Variants in B4GALT4 observed in about 807,000 individuals in gnomAD.
B4GALT4 encodes N-acetyllactosamine synthase.
In B4GALT4, 27 loss-of-function variants were observed where a neutral mutation model predicts 37.3. The observed-to-expected ratio is 0.72, with a 90% confidence interval of 0.53 to 1.00. B4GALT4 has a LOEUF of 1.00. B4GALT4 is among the 50% of genes least tolerant of loss of function. The pLI is 0.00. For missense variants in B4GALT4, 372 were observed against 413.1 expected (o/e 0.90, Z 0.86); for synonymous variants, 148 against 154.1 (o/e 0.96, Z 0.29).
At chr3:119,221,749 A>G (rs1325519906) in intron 5 of B4GALT4, among the ~76,000 whole-genome samples, 3 of 152,246 alleles carry the variant, frequency 2.0e-5, no homozygotes, top group Non-Finnish European at 2.9e-5. Flanking sequence ...TTCAATTTCT[A>G]AAAGAGGGCC....
At chr3:119,235,431 C>A (rs1353339222) in intron 2 of B4GALT4, among the ~76,000 whole-genome samples, 1 of 152,166 alleles carries the variant, frequency 6.6e-6, no homozygotes, top group Non-Finnish European at 1.5e-5. Flanking sequence ...CATCTCTGAA[C>A]CTATCAGGTA....
intron 3 of B4GALT4, among the ~76,000 whole-genome samples, chr3:119,227,906 C>T (rs2107512814): frequency 6.6e-6 from 1 of 152,284 alleles, no homozygotes; most frequent in South Asian, 2.1e-4. Context: ...AGACCAGGCT[C>T]ACGTGTCTAA....
intron 4 of B4GALT4, among the ~76,000 whole-genome samples, chr3:119,225,359 A>C (rs1211285875): frequency 2.0e-5 from 3 of 152,170 alleles, no homozygotes; most frequent in African/African-American, 7.2e-5. Context: ...TTTCCTGATA[A>C]GAATAACACG....
intron 7 of B4GALT4, 54 bp downstream of exon 7, chr3:119,216,186 T>C: frequency 2.2e-6 from 3 of 1,386,778 alleles, no homozygotes; most frequent in Non-Finnish European, 3.0e-6. Flanking sequence ...ATAGTCCTTA[T>C]TGACAGAACA....
At chr3:119,219,613 GT>G (rs930903788) in intron 5 of B4GALT4, among the ~76,000 whole-genome samples, 6 of 152,214 alleles carry the variant, frequency 3.9e-5, no homozygotes, top group African/African-American at 1.2e-4. Context: ...CAACAATCTA[GT>G]TGGTGAGAAG....
chr3:119,216,450 A>C, intron 6 of B4GALT4, 106 bp from the exon 7 acceptor site: 1 of 479,604 alleles, frequency 2.1e-6, no homozygotes. Flanking sequence ...GCACATACAC[A>C]CACACACACA....
intron 4 of B4GALT4, 105 bp downstream of exon 4, chr3:119,226,704 A>G (rs568841170): frequency 7.3e-5 from 67 of 924,094 alleles, no homozygotes; most frequent in Middle Eastern, 6.8e-4. Flanking sequence ...GTTTTTGATG[A>G]TAGTCTGATG....
At chr3:119,218,286 C>T (rs1214844111) in intron 6 of B4GALT4, among the ~76,000 whole-genome samples, 3 of 152,128 alleles carry the variant, frequency 2.0e-5, no homozygotes, top group African/African-American at 7.2e-5. Context: ...GAACTGTGTC[C>T]CCAAGGGGTC....
chr3:119,223,494 GA>G (rs1271997020), intron 5 of B4GALT4, among the ~76,000 whole-genome samples: 1 of 152,218 alleles, frequency 6.6e-6, no homozygotes, highest in African/African-American at 2.4e-5. Flanking sequence ...GGGTGGAGGG[GA>G]TGGGGAATGA....
In B4GALT4 at chr3:119,217,204, T is replaced by C. The variant is rs184848621; in HGVS notation, c.798-860A>G. Among the ~76,000 whole-genome samples, 54 of 152,330 alleles carry C rather than the reference T, an allele frequency of 3.5e-4. 1 individual carries two copies. The highest frequency in any genetic ancestry group is 3.5e-3 in the Admixed American group (54 of 15,304). ...TGTGATCAGGGCAAAATTCTACTAATCACCCCAGTGAAGTACATTTAGGGA... is the reference window on the plus strand; with the variant it reads ...TGTGATCAGGGCAAAATTCTACTAACCACCCCAGTGAAGTACATTTAGGGA... On this transcript the variant is annotated intron_variant, in intron 6 of 7. Coordinates refer to ENST00000393765, the MANE Select transcript of B4GALT4 (RefSeq NM_003778.4).
chr3:119,237,304 G>A (rs2079013431), intron 1 of B4GALT4, among the ~76,000 whole-genome samples: 1 of 152,162 alleles, frequency 6.6e-6, no homozygotes, highest in Admixed American at 6.5e-5. Flanking sequence ...CTGAGATCAT[G>A]GGTATAACAG....
At position 119,212,490 on chromosome 3, in the gene B4GALT4, G is replaced by A; in HGVS notation, c.*59C>T. 6 of 1,521,968 alleles carry A rather than the reference G, an allele frequency of 3.9e-6. No homozygotes were observed. Among genetic ancestry groups the A allele is most frequent in the Non-Finnish European group, 4.4e-6 (5 of 1,132,856 alleles). The allele number at this position is 1,521,968 out of a possible 1,614,324, so 94.3% of individuals were successfully genotyped here. ...TGTGTGCTACTATTTGAAGTCTCTA[G>A]GCCAAAATTATTGCAAACAAAGAAT... On this transcript the variant is annotated 3_prime_UTR_variant, in exon 8 of 8. Transcript: ENST00000393765.
intron 2 of B4GALT4, among the ~76,000 whole-genome samples, chr3:119,236,461 T>C (rs2078989027): frequency 6.6e-6 from 1 of 152,218 alleles, no homozygotes; most frequent in Non-Finnish European, 1.5e-5. Context: ...ACAACTTTTC[T>C]GTAAGTCTAA....
At position 119,230,100 on chromosome 3, in the gene B4GALT4, G is replaced by GTT. The variant is rs1161184807; in HGVS notation, c.-3_-2dup. The GTT allele has an allele frequency of 1.2e-6, 2 of 1,613,960 alleles. No homozygotes were observed. The highest frequency in any genetic ancestry group is 2.7e-5 in the African/African-American group (2 of 75,028). On this transcript the variant is annotated 5_prime_UTR_variant, in exon 3 of 8. Transcript: ENST00000393765. ...GGTGGAAAGTCAGGTTGAAGCCCAT[G>GTT]TTTTTTATTACGTGAATAATATCTA...
chr3:119,224,290 T>C, intron 4 of B4GALT4, 45 bp from the exon 5 acceptor site: 13 of 1,465,066 alleles, frequency 8.9e-6, no homozygotes, highest in Non-Finnish European at 1.1e-5. Context: ...TGAGATAAAG[T>C]TTCATATTGT....
At chr3:119,235,723 G>A (rs2078967828) in intron 2 of B4GALT4, among the ~76,000 whole-genome samples, 1 of 152,012 alleles carries the variant, frequency 6.6e-6, no homozygotes, top group Non-Finnish European at 1.5e-5. Flanking sequence ...GGTAGGAATG[G>A]GATAAAAATG....
intron 3 of B4GALT4, among the ~76,000 whole-genome samples, chr3:119,228,917 C>T (rs1281667524): frequency 6.6e-6 from 1 of 152,154 alleles, no homozygotes; most frequent in Non-Finnish European, 1.5e-5. Context: ...TGTGTGCGCA[C>T]ACACACCAAG....
At chr3:119,228,182 A>T (rs923577287) in intron 3 of B4GALT4, among the ~76,000 whole-genome samples, 4 of 152,138 alleles carry the variant, frequency 2.6e-5, no homozygotes, top group African/African-American at 9.7e-5. Flanking sequence ...CCCATCGTTA[A>T]CCTGACTGTG....
Position 119,224,091 on chromosome 3 carries a change from T to G in B4GALT4, c.641A>C (p.His214Pro). The G allele has an allele frequency of 6.2e-7, 1 of 1,613,838 alleles. No individual in the cohort carries two copies. Among genetic ancestry groups the G allele is most frequent in the South Asian group, 1.1e-5 (1 of 90,980 alleles). ...NLYKCEEHPK[H>P]LVVGRNSTGY... ...AGTGCTGTTCCTGCCAACCACCAGA[T>G]GCTTGGGATGCTCCTCACACTTGTA... The change falls in exon 5 of 8, where the codon CAT becomes CCT. Residue 214 changes from histidine to proline, a missense_variant. His to Pro is a moderately conservative substitution (Grantham distance 77). Coordinates refer to ENST00000393765, the MANE Select transcript of B4GALT4 (RefSeq NM_003778.4).
Sources: allele counts gnomAD v4.1 joint callset (sites outside exome capture counted in the v4.1 genomes callset), GRCh38; gene constraint gnomAD v4.1.1; transcripts MANE v1.5; gene names NCBI Gene and HGNC (gene_info 2026-07-23, HGNC 2026-07-21).